LARP4: variants seen among roughly 807,000 people sequenced by gnomAD.
The protein encoded by LARP4 is La ribonucleoprotein 4.
Under a neutral mutation model 92.9 loss-of-function variants are expected in LARP4, and 29 were observed. The observed-to-expected ratio is 0.31, with a 90% CI of 0.23 to 0.43. The LOEUF is 0.43. Among genes scored for constraint, LARP4 ranks in the 20% least tolerant of loss-of-function variants. The pLI is 1.00. For synonymous variants in LARP4, 279 were observed against 284.1 expected (o/e 0.98, Z 0.18); for missense variants, 732 against 860.0 (o/e 0.85, Z 1.86).
intron 13 of LARP4, among the ~76,000 whole-genome samples, chr12:50,469,601 C>CAAAAAA (rs757844912): frequency 5.1e-4 from 33 of 65,286 alleles, no homozygotes; most frequent in Non-Finnish European, 7.3e-4. Context: ...GAGACTCTAT[C>CAAAAAA]AAAAAAAAAA....
intron 7 of LARP4, among the ~76,000 whole-genome samples, chr12:50,441,040 CA>C (rs1271728641): frequency 6.6e-6 from 1 of 152,092 alleles, no homozygotes; most frequent in East Asian, 1.9e-4. Flanking sequence ...CCCGCCACTA[CA>C]CCCAGCTAAT....
intron 10 of LARP4, chr12:50,454,717 A>T (rs1027410328): frequency 8.2e-6 from 2 of 245,342 alleles, no homozygotes; most frequent in Non-Finnish European, 1.6e-5. Context: ...TCCATTTAGT[A>T]TGTTAAATGG....
At position 50,446,432 on chromosome 12, in the gene LARP4, T is replaced by A. The variant is rs868242152; in HGVS notation, c.804+4789T>A. Among the ~76,000 whole-genome samples the A allele has an allele frequency of 8.0e-4, 55 of 68,992 alleles. 9 individuals are homozygous for A. The highest frequency in any genetic ancestry group is 1.0e-3 in the Non-Finnish European group (41 of 39,412). 45.3% of individuals were successfully genotyped at this position (68,992 alleles called of 152,430 possible). A position where few individuals can be genotyped will look rare whatever the true frequency, so the allele number is the denominator to read the frequency against. On this transcript the variant is annotated intron_variant, in intron 8 of 15. Transcript: ENST00000398473. ...CTCTATATATATATATATATATATT[T>A]TTTTTTTTTTTTATAGACGGAGTCT...
In LARP4 at chr12:50,431,985, A is replaced by G. The variant is rs149252361; in HGVS notation, c.398+1415A>G. Among the ~76,000 whole-genome samples the G allele has an allele frequency of 4.0e-3, 616 of 152,226 alleles. 5 individuals are homozygous for G. The highest frequency in any genetic ancestry group is 0.014 in the African/African-American group (578 of 41,524). ...AAAATCCCATCTCTACGAAAATACA[A>G]AAATTAGCGGGGTGTGGTAGCGTGG... is the stretch of plus-strand genomic sequence containing the variant. On this transcript the variant is annotated intron_variant, in intron 4 of 15. Transcript: ENST00000398473.
At chr12:50,402,265 A>G (rs1212920760) in intron 1 of LARP4, among the ~76,000 whole-genome samples, 1 of 152,132 alleles carries the variant, frequency 6.6e-6, no homozygotes, top group Non-Finnish European at 1.5e-5. Context: ...TAGTTTTTTA[A>G]AAGACTGCTA....
chr12:50,402,819 A>G (rs1372452353), intron 1 of LARP4: 3 of 454,774 alleles, frequency 6.6e-6, no homozygotes, highest in Non-Finnish European at 8.8e-6. Context: ...CCCAGGTTAG[A>G]CAAATTCTAT....
At chr12:50,415,247 C>T (rs1003086110) in intron 1 of LARP4, among the ~76,000 whole-genome samples, 1 of 152,014 alleles carries the variant, frequency 6.6e-6, no homozygotes, top group Non-Finnish European at 1.5e-5. Context: ...ATAGTCTTAA[C>T]TAGGCTGATG....
rs1491491550 is a variant in LARP4, at chr12:50,446,430, T to TATATA, written c.804+4787_804+4788insATATA. Reference sequence around the variant, plus strand: ...CTCTCTATATATATATATATATATATTTTTTTTTTTTTTTATAGACGGAGT... The same window carrying TATATA: ...CTCTCTATATATATATATATATATATATATATTTTTTTTTTTTTTATAGACGGAGT... On this transcript the variant is annotated intron_variant, in intron 8 of 15. Coordinates refer to ENST00000398473, the MANE Select transcript of LARP4 (RefSeq NM_052879.5). 2.2e-3 allele frequency among the ~76,000 whole-genome samples: 12 copies of TATATA among 5,500 alleles called. 2 individuals carry two copies. The highest frequency in any genetic ancestry group is 2.8e-3 in the Non-Finnish European group (7 of 2,486). The allele number at this position is 5,500 out of a possible 152,430, so 3.6% of individuals were successfully genotyped here.
At chr12:50,440,970 A>C in intron 7 of LARP4, among the ~76,000 whole-genome samples, 1 of 144,320 alleles carries the variant, frequency 6.9e-6, no homozygotes, top group Non-Finnish European at 1.5e-5. Flanking sequence ...TGCAACCTCC[A>C]CCTCCTGGGT....
At chr12:50,450,234 G>A (rs765355946) in intron 8 of LARP4, among the ~76,000 whole-genome samples, 4 of 151,806 alleles carry the variant, frequency 2.6e-5, no homozygotes, top group Non-Finnish European at 5.9e-5. Flanking sequence ...CTGGCCAGCC[G>A]TAGCAATCTT....
At chr12:50,409,117 C>G (rs967298308) in intron 1 of LARP4, among the ~76,000 whole-genome samples, 3 of 151,880 alleles carry the variant, frequency 2.0e-5, no homozygotes, top group African/African-American at 4.8e-5. Context: ...AGGGCAGTGA[C>G]TGAGTAAAAT....
At chr12:50,440,982 C>A (rs1593128529) in intron 7 of LARP4, among the ~76,000 whole-genome samples, 3 of 150,540 alleles carry the variant, frequency 2.0e-5, no homozygotes, top group Admixed American at 2.0e-4. Flanking sequence ...CTCCTGGGTT[C>A]AAGTGATTCT....
intron 6 of LARP4, among the ~76,000 whole-genome samples, chr12:50,439,130 G>A (rs1235309338): frequency 6.6e-6 from 1 of 152,002 alleles, no homozygotes; most frequent in South Asian, 2.1e-4. Context: ...GTAGAGATGG[G>A]GTTTTGCCAT....
At chr12:50,409,639 T>C (rs1945476894) in intron 1 of LARP4, among the ~76,000 whole-genome samples, 1 of 151,898 alleles carries the variant, frequency 6.6e-6, no homozygotes, top group Non-Finnish European at 1.5e-5. Flanking sequence ...TAGTGGCACA[T>C]GCCTGTAAGG....
chr12:50,458,766 C>T (rs1161306008), intron 10 of LARP4, among the ~76,000 whole-genome samples: 3 of 152,132 alleles, frequency 2.0e-5, no homozygotes, highest in Non-Finnish European at 2.9e-5. Flanking sequence ...ATTAGTCAAC[C>T]TTAGCTTCAT....
chr12:50,438,356 G>T (rs1950727738), intron 6 of LARP4, among the ~76,000 whole-genome samples: 1 of 152,060 alleles, frequency 6.6e-6, no homozygotes, highest in Admixed American at 6.6e-5. Context: ...AATTAGCCAG[G>T]CATGGTGGTG....
intron 13 of LARP4, 78 bp downstream of exon 13, chr12:50,467,198 A>G: frequency 7.9e-6 from 9 of 1,137,658 alleles, no homozygotes; most frequent in South Asian, 1.9e-5. Flanking sequence ...TTAAAATTTT[A>G]CTTGCACTTA....
At chr12:50,439,228 T>C (rs1950860441) in intron 6 of LARP4, among the ~76,000 whole-genome samples, 2 of 152,212 alleles carry the variant, frequency 1.3e-5, no homozygotes, top group Admixed American at 1.3e-4. Flanking sequence ...CGTGAGCCAC[T>C]GTGCCCCATT....
At chr12:50,403,120 T>A (rs1231187837) in intron 1 of LARP4, among the ~76,000 whole-genome samples, 1 of 152,186 alleles carries the variant, frequency 6.6e-6, no homozygotes, top group Non-Finnish European at 1.5e-5. Flanking sequence ...GTGTAAATAA[T>A]GTGGGGGCTA....
Sources: gnomAD v4.1 joint callset for allele counts (sites outside exome capture counted in the v4.1 genomes callset) on GRCh38, gnomAD v4.1.1 for gene constraint, MANE v1.5 for transcripts, NCBI Gene and HGNC (gene_info 2026-07-23, HGNC 2026-07-21) for gene names.